Variants in AGTPBP1 observed in about 807,000 individuals in gnomAD.
AGTPBP1 encodes the protein ATP/GTP binding carboxypeptidase 1, also known as cytosolic carboxypeptidase 1.
Under a neutral mutation model 143.9 loss-of-function variants are expected in AGTPBP1, and 70 were observed. That is an observed-to-expected ratio of 0.49 (90% CI 0.40 to 0.59). The LOEUF (loss-of-function observed/expected upper bound fraction) is 0.59. Among genes scored for constraint, AGTPBP1 ranks in the 20% least tolerant of loss-of-function variants. The pLI, the probability that AGTPBP1 is intolerant of heterozygous loss-of-function variation, is 0.00. For synonymous variants in AGTPBP1, 463 were observed against 500.2 expected (o/e 0.93, Z 0.99); for missense variants, 1,229 against 1,464.5 (o/e 0.84, Z 2.62).
chr9:85,607,671 A>G (rs1830069228), intron 17 of AGTPBP1, among the ~76,000 whole-genome samples: 1 of 152,142 alleles, frequency 6.6e-6, no homozygotes, highest in Non-Finnish European at 1.5e-5. Context: ...AGTAAAGGCC[A>G]AAGTTTTATT....
the AGTPBP1 span, among the ~76,000 whole-genome samples, chr9:85,803,318 C>T: frequency 1.3e-5 from 2 of 152,186 alleles, no homozygotes; most frequent in East Asian, 1.9e-4. Context: ...TATTGTTGAG[C>T]AACACTCCTT....
At chr9:85,561,911 C>T (rs1219630517) in intron 25 of AGTPBP1, among the ~76,000 whole-genome samples, 1 of 150,330 alleles carries the variant, frequency 6.7e-6, no homozygotes, top group African/African-American at 2.5e-5. Context: ...CGGCTCACTG[C>T]AACTTCCGCC....
chr9:85,689,437 T>C (rs372519615), intron 3 of AGTPBP1, among the ~76,000 whole-genome samples: 3 of 152,208 alleles, frequency 2.0e-5, no homozygotes, highest in African/African-American at 7.2e-5. Context: ...TTATTCATAA[T>C]AGCTGCATAA....
At chr9:85,649,943 T>C (rs1833045161) in intron 11 of AGTPBP1, among the ~76,000 whole-genome samples, 1 of 152,062 alleles carries the variant, frequency 6.6e-6, no homozygotes, top group African/African-American at 2.4e-5. Flanking sequence ...TACTTTAGGA[T>C]TTTTATATTT....
intron 25 of AGTPBP1, among the ~76,000 whole-genome samples, chr9:85,559,405 A>T (rs1826553239): frequency 6.6e-6 from 1 of 151,688 alleles, no homozygotes; most frequent in Non-Finnish European, 1.5e-5. Flanking sequence ...TTTATTTCTG[A>T]TCCCTTCTCA....
At chr9:85,636,164 A>G (rs1046021758) in intron 13 of AGTPBP1, among the ~76,000 whole-genome samples, 1 of 152,116 alleles carries the variant, frequency 6.6e-6, no homozygotes, top group Non-Finnish European at 1.5e-5. Context: ...AAGACCTACC[A>G]GAATCTCAGA....
At chr9:85,562,434 G>A (rs971620891) in intron 25 of AGTPBP1, among the ~76,000 whole-genome samples, 2 of 152,218 alleles carry the variant, frequency 1.3e-5, no homozygotes, top group South Asian at 2.1e-4. Context: ...GATAGCTTAC[G>A]CTTACATACA....
chr9:85,730,168 G>A (rs1382252324), intron 1 of AGTPBP1, among the ~76,000 whole-genome samples: 1 of 152,168 alleles, frequency 6.6e-6, no homozygotes, highest in East Asian at 1.9e-4. Flanking sequence ...GTGGTAAGAT[G>A]TGAGAGTTGT....
intron 15 of AGTPBP1, 125 bp from the exon 16 acceptor site, chr9:85,619,426 A>T: frequency 1.5e-6 from 1 of 655,466 alleles, no homozygotes; most frequent in Non-Finnish European, 2.5e-6. Flanking sequence ...ATTATTTTTA[A>T]ACTAAAGCAC....
chr9:85,610,517 G>A (rs1156810659), intron 17 of AGTPBP1, among the ~76,000 whole-genome samples: 2 of 151,954 alleles, frequency 1.3e-5, no homozygotes, highest in African/African-American at 2.4e-5. Context: ...CAAAGAAAAG[G>A]ACAACTTGAA....
chr9:85,619,308 A>C lies in AGTPBP1; in HGVS notation c.2100-7T>G. On this transcript the variant is annotated splice_polypyrimidine_tract_variant and splice_region_variant and intron_variant, in intron 15 of 25. Coordinates refer to ENST00000357081, the MANE Select transcript of AGTPBP1 (RefSeq NM_001330701.2). Reference sequence around the variant, plus strand: ...CTCTTCTGGAATGGTGTAACTAAATAAAAGTTTTAAAGTAAATGTATTAAA... The same window carrying C: ...CTCTTCTGGAATGGTGTAACTAAATCAAAGTTTTAAAGTAAATGTATTAAA... The C allele has an allele frequency of 6.3e-7, 1 of 1,589,974 alleles. No homozygotes were observed. The highest frequency in any genetic ancestry group is 8.6e-7 in the Non-Finnish European group (1 of 1,164,576).
intron 1 of AGTPBP1, among the ~76,000 whole-genome samples, chr9:85,736,481 TC>T (rs1228508104): frequency 6.6e-6 from 1 of 152,190 alleles, no homozygotes; most frequent in Non-Finnish European, 1.5e-5. Context: ...ATTACAGTCA[TC>T]CTATAGTGCT....
intron 2 of AGTPBP1, among the ~76,000 whole-genome samples, chr9:85,708,250 CT>C (rs2134441207): frequency 1.3e-5 from 2 of 152,230 alleles, no homozygotes; most frequent in African/African-American, 4.8e-5. Flanking sequence ...CTCTGATCCT[CT>C]TGCCTTCCCC....
intron 25 of AGTPBP1, among the ~76,000 whole-genome samples, chr9:85,547,539 G>A (rs958187652): frequency 1.3e-5 from 2 of 152,104 alleles, no homozygotes; most frequent in African/African-American, 4.8e-5. Flanking sequence ...TAGATAGATA[G>A]CTTAAAAAAC....
intron 17 of AGTPBP1, among the ~76,000 whole-genome samples, chr9:85,609,196 T>C (rs1428220602): frequency 1.3e-5 from 2 of 152,148 alleles, no homozygotes; most frequent in African/African-American, 2.4e-5. Flanking sequence ...TGTGTAAATA[T>C]TATGTATGTA....
chr9:85,718,340 G>C (rs916937532), intron 1 of AGTPBP1, among the ~76,000 whole-genome samples: 3 of 152,144 alleles, frequency 2.0e-5, no homozygotes, highest in Admixed American at 1.3e-4. Flanking sequence ...GTTGTTTCCT[G>C]ACTTTTTAAT....
rs547903285 is a variant in AGTPBP1, at chr9:85,735,907, T to C, written c.-34+5868A>G. Reference sequence around the variant, plus strand: ...CCAATATCCTTATAATCTTCATAATTTTAAATCATTTTCCCCTTAAGGAAA... The same window carrying C: ...CCAATATCCTTATAATCTTCATAATCTTAAATCATTTTCCCCTTAAGGAAA... On this transcript the variant is annotated intron_variant, in intron 1 of 25. Coordinates refer to ENST00000357081, the MANE Select transcript of AGTPBP1 (RefSeq NM_001330701.2). Among the ~76,000 whole-genome samples the C allele has an allele frequency of 7.2e-5, 11 of 152,312 alleles. No individual in the cohort carries two copies. The East Asian group carries it at 2.1e-3, about 29-fold the overall frequency.
At chr9:85,589,740 G>A in intron 19 of AGTPBP1, 59 bp from the exon 20 acceptor site, 1 of 1,452,612 alleles carries the variant, frequency 6.9e-7, no homozygotes, top group Non-Finnish European at 9.3e-7. Flanking sequence ...ATGATATACA[G>A]AAATAATGCA....
chr9:85,728,428 C>T (rs183732203), intron 1 of AGTPBP1, among the ~76,000 whole-genome samples: 15 of 152,132 alleles, frequency 9.9e-5, no homozygotes, highest in Admixed American at 9.2e-4. Flanking sequence ...TACTGATCTA[C>T]CCCTAAAAAA....
Sources: allele counts gnomAD v4.1 joint callset (sites outside exome capture counted in the v4.1 genomes callset), GRCh38; gene constraint gnomAD v4.1.1; transcripts MANE v1.5; gene names NCBI Gene and HGNC (gene_info 2026-07-23, HGNC 2026-07-21).